MAP3K2: variants seen among roughly 807,000 people sequenced by gnomAD.
MAP3K2 encodes the protein mitogen-activated protein kinase kinase kinase 2.
Under a neutral mutation model 80.3 loss-of-function variants are expected in MAP3K2, and 24 were observed. The ratio of observed to expected loss-of-function variants is 0.30; its 90% CI spans 0.22 to 0.42. The LOEUF is 0.42. MAP3K2 is among the 10% of genes least tolerant of loss of function. MAP3K2 has a pLI of 1.00. For synonymous variants in MAP3K2, 244 were observed against 253.7 expected (o/e 0.96, Z 0.36); for missense variants, 608 against 750.1 (o/e 0.81, Z 2.21).
chr2:127,382,156 T>C (rs764835655), intron 1 of MAP3K2, among the ~76,000 whole-genome samples: 43 of 152,298 alleles, frequency 2.8e-4, no homozygotes, highest in Non-Finnish European at 6.0e-4. Context: ...ACGAATGAGA[T>C]GTAAATATGG....
At chr2:127,336,723 A>G (rs1558980612) in intron 4 of MAP3K2, among the ~76,000 whole-genome samples, 1 of 152,256 alleles carries the variant, frequency 6.6e-6, no homozygotes, top group Non-Finnish European at 1.5e-5. Context: ...TTTATCTGAT[A>G]TATTCCAGTT....
At chr2:127,357,252 T>G (rs1287383117) in intron 1 of MAP3K2, among the ~76,000 whole-genome samples, 1 of 152,222 alleles carries the variant, frequency 6.6e-6, no homozygotes, top group Non-Finnish European at 1.5e-5. Flanking sequence ...CAGCCAATAC[T>G]GTGAAAACTG....
chr2:127,376,439 G>A (rs1389800372), intron 1 of MAP3K2, among the ~76,000 whole-genome samples: 1 of 152,152 alleles, frequency 6.6e-6, no homozygotes, highest in Non-Finnish European at 1.5e-5. Flanking sequence ...CGCAGCTGCT[G>A]ACTCTTTACA....
Position 127,306,847 on chromosome 2 carries a change from CGTGTGTGT to C in MAP3K2, c.*724_*731del, listed in dbSNP as rs58705764. The C allele has an allele frequency of 1.1e-3, 172 of 150,544 alleles. 1 individual carries two copies. The highest frequency in any genetic ancestry group is 0.01 in the Middle Eastern group (3 of 290). 9.3% of individuals were successfully genotyped at this position (150,544 alleles called of 1,614,324 possible). ...ACTTGACTTTAAAATAAAGGTTTTCCGTGTGTGTGTGTGTGTGTGTGTGTGTGTTTTTA... is the reference window on the plus strand; with the variant it reads ...ACTTGACTTTAAAATAAAGGTTTTCCGTGTGTGTGTGTGTGTGTGTTTTTA... On this transcript the variant is annotated 3_prime_UTR_variant, in exon 17 of 17. Transcript: ENST00000682094. The surrounding 1 kb of genome is among the most constrained non-coding windows in gnomAD (Gnocchi z 4.7).
At chr2:127,328,383 T>C (rs114271099) in intron 7 of MAP3K2, among the ~76,000 whole-genome samples, 198 of 152,336 alleles carry the variant, frequency 1.3e-3, no homozygotes, top group African/African-American at 4.5e-3. Flanking sequence ...ACATCTGAGC[T>C]TTGTACAATG....
intron 1 of MAP3K2, among the ~76,000 whole-genome samples, chr2:127,361,337 A>AT (rs1686886728): frequency 6.9e-6 from 1 of 144,384 alleles, no homozygotes. Context: ...AAAAAAAATT[A>AT]AAAGGGAATT....
chr2:127,387,642 A>T lies in MAP3K2; in HGVS notation c.-256T>A. 1 of 984,576 alleles carries T rather than the reference A, an allele frequency of 1.0e-6. No individual in the cohort carries two copies. The highest frequency in any genetic ancestry group is 1.2e-6 in the Non-Finnish European group (1 of 829,652). 61.0% of individuals were successfully genotyped at this position (984,576 alleles called of 1,614,324 possible). On this transcript the variant is annotated 5_prime_UTR_variant, in exon 1 of 17. An upstream start codon of the reference 5' UTR is lost. Transcript: ENST00000682094. ...GGGGCCAGGCCCGTCCCTCTTTCAC[A>T]TGAAGCCCGGGCCGGGCGGGGTGGC... is the stretch of plus-strand genomic sequence containing the variant.
At chr2:127,372,948 A>G (rs1687091627) in intron 1 of MAP3K2, among the ~76,000 whole-genome samples, 2 of 152,230 alleles carry the variant, frequency 1.3e-5, no homozygotes, top group Non-Finnish European at 2.9e-5. Context: ...GGGCCCCTTC[A>G]GCAGGGGCTC....
intron 15 of MAP3K2, among the ~76,000 whole-genome samples, chr2:127,312,041 C>T (rs924377486): frequency 2.0e-5 from 3 of 152,074 alleles, no homozygotes; most frequent in East Asian, 1.9e-4. Context: ...AATTTGGAGG[C>T]GTGATCAGAT....
chr2:127,300,437 A>T lies in MAP3K2; in HGVS notation c.*7142T>A, dbSNP rs1368527409. On this transcript the variant is annotated 3_prime_UTR_variant, in exon 17 of 17. Coordinates refer to ENST00000682094, the MANE Select transcript of MAP3K2 (RefSeq NM_001371910.2). ...ATGGCTACATTTAAAAATGTACATT[A>T]TTATGTCAAAGGGTAAATTTACAAA... The T allele has an allele frequency of 1.3e-5, 2 of 148,744 alleles. No homozygotes were observed. Among genetic ancestry groups the T allele is most frequent in the Non-Finnish European group, 2.9e-5 (2 of 67,984 alleles). The allele number at this position is 148,744 out of a possible 1,614,324, so 9.2% of individuals were successfully genotyped here. A position where few individuals can be genotyped will look rare whatever the true frequency, so the allele number is the denominator to read the frequency against.
chr2:127,331,765 G>A (rs10221754), intron 5 of MAP3K2, among the ~76,000 whole-genome samples: 13,679 of 152,138 alleles, frequency 0.09, 802 homozygotes, highest in African/African-American at 0.17. Flanking sequence ...ACCACCACGC[G>A]TGGCTAATTT....
In MAP3K2 at chr2:127,317,619, A is replaced by C; in HGVS notation, c.1326+10T>G. 6.5e-7 allele frequency: 1 copy of C among 1,534,690 alleles called. No individual in the cohort carries two copies. ...AGAATGTGTATTTTCAAAAAGATGT[A>C]CTAACTTACCCCTGGCATATATTCC... On this transcript the variant is annotated intron_variant, in intron 14 of 16. Transcript: ENST00000682094.
In MAP3K2 at chr2:127,301,640, G is replaced by A. The variant is rs939148603; in HGVS notation, c.*5939C>T. On this transcript the variant is annotated 3_prime_UTR_variant, in exon 17 of 17. Coordinates refer to ENST00000682094, the MANE Select transcript of MAP3K2 (RefSeq NM_001371910.2). ...GAAGTCATCAGGCAGAAGGAACAATGGTACTGATTTAATGCCTTTGCTGTT... is the reference window on the plus strand; with the variant it reads ...GAAGTCATCAGGCAGAAGGAACAATAGTACTGATTTAATGCCTTTGCTGTT... 6.6e-6 allele frequency: 1 copy of A among 152,126 alleles called. No individual in the cohort carries two copies. Among genetic ancestry groups the A allele is most frequent in the African/African-American group, 2.4e-5 (1 of 41,438 alleles). The allele number at this position is 152,126 out of a possible 1,614,324, so 9.4% of individuals were successfully genotyped here.
rs1427911703 is a variant in MAP3K2 at position 127,321,564 on chromosome 2, T to C, written c.1045+482A>G. 6.6e-6 allele frequency among the ~76,000 whole-genome samples: 1 copy of C among 152,270 alleles called. No homozygotes were observed. Among genetic ancestry groups the C allele is most frequent in the Non-Finnish European group, 1.5e-5 (1 of 68,046 alleles). ...CCAGCCTGAGTTACCACTGTAGGCC[T>C]ATTCCCACTATTTCAAGTAAGATAC... On this transcript the variant is annotated intron_variant, in intron 12 of 16. Transcript: ENST00000682094. The surrounding 1 kb of genome is among the most constrained non-coding windows in gnomAD (Gnocchi z 4.4).
intron 2 of MAP3K2, among the ~76,000 whole-genome samples, chr2:127,341,136 C>G (rs1284379351): frequency 6.6e-6 from 1 of 151,580 alleles, no homozygotes; most frequent in African/African-American, 2.4e-5. Flanking sequence ...ACTACAGGCA[C>G]CCCCCACCAC....
Position 127,322,350 on chromosome 2 carries a change from G to C in MAP3K2, c.839-98C>G. On this transcript the variant is annotated intron_variant, in intron 11 of 16. Coordinates refer to ENST00000682094, the MANE Select transcript of MAP3K2 (RefSeq NM_001371910.2). This position sits in a 1 kb window ranked among gnomAD's most constrained non-coding sequence, Gnocchi z 4.2. ...AATGTAGAGAATAGAAATTTGTCCT[G>C]TGACTAGGCTAAGAAACTCAAATAG... is the stretch of plus-strand genomic sequence containing the variant. 1 of 741,150 alleles carries C rather than the reference G, an allele frequency of 1.3e-6. No individual in the cohort carries two copies. The allele number at this position is 741,150 out of a possible 1,614,324, so 45.9% of individuals were successfully genotyped here.
intron 1 of MAP3K2, among the ~76,000 whole-genome samples, chr2:127,353,585 C>T (rs534308892): frequency 3.3e-5 from 5 of 150,342 alleles, no homozygotes; most frequent in Non-Finnish European, 5.9e-5. Context: ...GTCAGCCCCC[C>T]GCCTGGCCAG....
intron 1 of MAP3K2, among the ~76,000 whole-genome samples, chr2:127,385,709 T>C (rs546997149): frequency 6.6e-6 from 1 of 152,248 alleles, no homozygotes; most frequent in East Asian, 1.9e-4. Context: ...TGGGGGGAAA[T>C]AGCTCCAATT....
chr2:127,352,532 A>G (rs1480055528), intron 1 of MAP3K2, among the ~76,000 whole-genome samples: 1 of 152,206 alleles, frequency 6.6e-6, no homozygotes, highest in African/African-American at 2.4e-5. Context: ...AACATCACCT[A>G]TAAACTAACC....
Sources: gnomAD v4.1 joint callset for allele counts (sites outside exome capture counted in the v4.1 genomes callset) on GRCh38, gnomAD v4.1.1 for gene constraint, Gnocchi (gnomAD v3.1) non-coding constraint, MANE v1.5 for transcripts, NCBI Gene and HGNC (gene_info 2026-07-23, HGNC 2026-07-21) for gene names.